RIN3: variants seen among roughly 807,000 people sequenced by gnomAD.
The protein encoded by RIN3 is RAB5 interacting protein 3.
In RIN3, 54 loss-of-function variants were observed where a neutral mutation model predicts 76.3. The ratio of observed to expected loss-of-function variants is 0.71; its 90% CI spans 0.57 to 0.89. RIN3 has a LOEUF of 0.89. RIN3 is among the 40% of genes least tolerant of loss of function. The pLI is 0.00. For missense variants in RIN3, 1,256 were observed against 1,322.1 expected (o/e 0.95, Z 0.78); for synonymous variants, 576 against 564.0 (o/e 1.02, Z -0.30).
At chr14:92,591,767 A>T (rs769040217) in intron 3 of RIN3, among the ~76,000 whole-genome samples, 8 of 151,336 alleles carry the variant, frequency 5.3e-5, no homozygotes, top group Non-Finnish European at 1.2e-4. Context: ...AAAAATAAAG[A>T]CTTTCTCGAA....
intron 3 of RIN3, among the ~76,000 whole-genome samples, chr14:92,613,652 G>A (rs1885833560): frequency 6.6e-6 from 1 of 152,148 alleles, no homozygotes; most frequent in African/African-American, 2.4e-5. Context: ...TCACCTATGT[G>A]CGTGTGGCTT....
chr14:92,592,178 G>T (rs1475615767), intron 3 of RIN3, among the ~76,000 whole-genome samples: 2 of 152,114 alleles, frequency 1.3e-5, no homozygotes, highest in Non-Finnish European at 2.9e-5. Flanking sequence ...GAGGCAGGTG[G>T]ATCACCTGAG....
At chr14:92,551,959 C>T (rs989568644) in intron 1 of RIN3, among the ~76,000 whole-genome samples, 1 of 152,174 alleles carries the variant, frequency 6.6e-6, no homozygotes, top group African/African-American at 2.4e-5. Flanking sequence ...TGGAAATAAT[C>T]TTGGGAGGAA....
intron 4 of RIN3, among the ~76,000 whole-genome samples, chr14:92,624,628 C>G (rs763021555): frequency 6.6e-6 from 1 of 152,104 alleles, no homozygotes; most frequent in South Asian, 2.1e-4. Flanking sequence ...CTGCTGCAAG[C>G]TGTCTCTGGC....
chr14:92,589,326 T>C (rs1884897157), intron 3 of RIN3, among the ~76,000 whole-genome samples: 1 of 152,118 alleles, frequency 6.6e-6, no homozygotes, highest in Non-Finnish European at 1.5e-5. Context: ...AGATGTTCCC[T>C]ATCCTTCATT....
chr14:92,646,544 C>T (rs931517428), intron 5 of RIN3, among the ~76,000 whole-genome samples: 1 of 152,210 alleles, frequency 6.6e-6, no homozygotes. Flanking sequence ...AAGCGATTCT[C>T]CTGCCTCAGC....
At chr14:92,635,233 C>A (rs1345777323) in intron 4 of RIN3, among the ~76,000 whole-genome samples, 2 of 152,234 alleles carry the variant, frequency 1.3e-5, no homozygotes, top group Admixed American at 1.3e-4. Context: ...AGGCATGAAA[C>A]TGATTTGCCC....
In RIN3 at chr14:92,544,024, C is replaced by G. The variant is rs933210265; in HGVS notation, c.45-11727C>G. The stretch of plus-strand genomic sequence containing the variant: ...ACTGTTCGTGAAGCCTCCCCACCCC[C>G]CCATCTCATTTAGTAGTTACCATTT... On this transcript the variant is annotated intron_variant, in intron 1 of 9. Coordinates refer to ENST00000216487, the MANE Select transcript of RIN3 (RefSeq NM_024832.5). 1.2e-4 allele frequency among the ~76,000 whole-genome samples: 18 copies of G among 152,250 alleles called. 1 individual carries two copies. The South Asian group carries it at 1.2e-3, about 11-fold the overall frequency.
chr14:92,653,923 C>T, intron 6 of RIN3, among the ~76,000 whole-genome samples: 1 of 152,108 alleles, frequency 6.6e-6, no homozygotes, highest in East Asian at 1.9e-4. Context: ...GAGGCTGAGG[C>T]AGGAGGATTG....
intron 3 of RIN3, among the ~76,000 whole-genome samples, chr14:92,594,677 G>A (rs117672621): frequency 0.014 from 2,158 of 152,306 alleles, 26 homozygotes; most frequent in South Asian, 0.032. Flanking sequence ...GTGCTTAGAG[G>A]AAAATTCATA....
At chr14:92,682,907 C>T (rs952652079) in intron 8 of RIN3, among the ~76,000 whole-genome samples, 5 of 152,242 alleles carry the variant, frequency 3.3e-5, no homozygotes, top group African/African-American at 7.2e-5. Flanking sequence ...GGCTCACACC[C>T]GTAATCCCAG....
chr14:92,546,206 T>G (rs1897261800), intron 1 of RIN3, among the ~76,000 whole-genome samples: 1 of 152,158 alleles, frequency 6.6e-6, no homozygotes. Flanking sequence ...ATTACAGGCT[T>G]GAGCCACTGT....
At chr14:92,651,266 C>A (rs922370949) in intron 5 of RIN3, among the ~76,000 whole-genome samples, 3 of 152,254 alleles carry the variant, frequency 2.0e-5, no homozygotes, top group African/African-American at 4.8e-5. Context: ...TGTCACCCCC[C>A]ACCCTGTGTC....
At chr14:92,527,090 C>T (rs954010881) in intron 1 of RIN3, among the ~76,000 whole-genome samples, 6 of 147,352 alleles carry the variant, frequency 4.1e-5, no homozygotes, top group African/African-American at 1.3e-4. Context: ...TCGCTCTGTC[C>T]CCCAGGCTGG....
chr14:92,639,161 C>T (rs949805832), intron 4 of RIN3, among the ~76,000 whole-genome samples: 2 of 152,234 alleles, frequency 1.3e-5, no homozygotes, highest in African/African-American at 4.8e-5. Context: ...AGCCCAGACC[C>T]GTTCCAGGAG....
chr14:92,551,161 C>T (rs537030019), intron 1 of RIN3, among the ~76,000 whole-genome samples: 1 of 152,326 alleles, frequency 6.6e-6, no homozygotes, highest in South Asian at 2.1e-4. Context: ...AGTGAATGCA[C>T]ACATCTAAGT....
chr14:92,515,873 T>A (rs1003024761), intron 1 of RIN3, among the ~76,000 whole-genome samples: 1 of 152,176 alleles, frequency 6.6e-6, no homozygotes, highest in Non-Finnish European at 1.5e-5. Context: ...TGGAGGACCT[T>A]TTGGGTTGGA....
At position 92,569,583 on chromosome 14, in the gene RIN3, CT is replaced by C. The variant is rs1555384551; in HGVS notation, c.250-7765del. ...AGGATCTCCCTCTGAGAGCTCCTGC[CT>C]TTTTTTTTTTTCTTTCTCTCTTGGA... On this transcript the variant is annotated intron_variant, in intron 2 of 9. Transcript: ENST00000216487. Among the ~76,000 whole-genome samples the C allele has an allele frequency of 8.7e-4, 127 of 145,622 alleles. 1 individual carries two copies. The highest frequency in any genetic ancestry group is 3.8e-3 in the Admixed American group (56 of 14,614).
intron 8 of RIN3, among the ~76,000 whole-genome samples, chr14:92,682,162 C>T (rs569440441): frequency 6.6e-6 from 1 of 152,324 alleles, no homozygotes; most frequent in South Asian, 2.1e-4. Context: ...GCTGAGATTA[C>T]AGGCGTGAGC....
Sources: allele counts gnomAD v4.1 joint callset (sites outside exome capture counted in the v4.1 genomes callset), GRCh38; gene constraint gnomAD v4.1.1; transcripts MANE v1.5; gene names NCBI Gene and HGNC (gene_info 2026-07-23, HGNC 2026-07-21).